COLQ: variants seen among roughly 807,000 people sequenced by gnomAD.
COLQ encodes the protein collagen like tail subunit of asymmetric acetylcholinesterase, also known as acetylcholinesterase collagenic tail peptide.
A neutral mutation model predicts 69.0 loss-of-function variants in COLQ; 48 were observed. The ratio of observed to expected loss-of-function variants is 0.70; its 90% CI spans 0.55 to 0.88. The LOEUF is 0.88. Ranked by LOEUF, COLQ falls within the 40% of genes least tolerant of loss-of-function variation. The pLI is 0.00. For synonymous variants in COLQ, 217 were observed against 211.2 expected (o/e 1.03, Z -0.24); for missense variants, 618 against 594.6 (o/e 1.04, Z -0.41).
At chr3:15,517,661 T>C (rs1194819138) in intron 1 of COLQ, among the ~76,000 whole-genome samples, 2 of 152,138 alleles carry the variant, frequency 1.3e-5, no homozygotes, top group Non-Finnish European at 2.9e-5. Context: ...GGTTGTTGTT[T>C]TGATCTACCA....
intron 2 of COLQ, 125 bp downstream of exon 2, chr3:15,489,400 G>T: frequency 1.2e-6 from 1 of 854,692 alleles, no homozygotes; most frequent in African/African-American, 1.7e-5. Context: ...TGACAGTGGA[G>T]GGTTGAGGCT....
chr3:15,496,429 A>C (rs2062746903), intron 1 of COLQ: 1 of 155,782 alleles, frequency 6.4e-6, no homozygotes, highest in Non-Finnish European at 1.5e-5. Context: ...AGGACTTCAC[A>C]TGTCTATTTT....
chr3:15,514,384 T>A (rs2125185430), intron 1 of COLQ, among the ~76,000 whole-genome samples: 1 of 152,190 alleles, frequency 6.6e-6, no homozygotes, highest in East Asian at 1.9e-4. Flanking sequence ...GTCTCAGTGG[T>A]CTGCAGTTTA....
chr3:15,496,649 T>G (rs1003393284), intron 1 of COLQ, among the ~76,000 whole-genome samples: 1 of 152,224 alleles, frequency 6.6e-6, no homozygotes, highest in African/African-American at 2.4e-5. Context: ...ATCACGGAAC[T>G]TCAGGACCGC....
At chr3:15,510,449 C>T (rs2062969734) in intron 1 of COLQ, among the ~76,000 whole-genome samples, 1 of 151,198 alleles carries the variant, frequency 6.6e-6, no homozygotes, top group Non-Finnish European at 1.5e-5. Flanking sequence ...TGGCTCATGC[C>T]TATAATCCCA....
chr3:15,519,428 A>G (rs1209029352), intron 1 of COLQ, among the ~76,000 whole-genome samples: 1 of 152,196 alleles, frequency 6.6e-6, no homozygotes, highest in Non-Finnish European at 1.5e-5. Context: ...TCCCTGCTTT[A>G]GGGCCTTCCA....
intron 1 of COLQ, among the ~76,000 whole-genome samples, chr3:15,495,562 T>A (rs1279962580): frequency 6.6e-6 from 1 of 152,184 alleles, no homozygotes. Context: ...TCAGTTGTGA[T>A]TATCAAGTGA....
At chr3:15,458,125 T>A in intron 13 of COLQ, 61 bp downstream of exon 13, 4 of 1,580,952 alleles carry the variant, frequency 2.5e-6, no homozygotes, top group Non-Finnish European at 2.6e-6. Flanking sequence ...CAAAGCCCCA[T>A]AAGGATCAGG....
Position 15,462,076 on chromosome 3 carries a change from G to A in COLQ, c.815-3751C>T, listed in dbSNP as rs148230324. Among the ~76,000 whole-genome samples the A allele has an allele frequency of 6.6e-3, 1,009 of 151,790 alleles. 12 individuals carry two copies. The highest frequency in any genetic ancestry group is 0.022 in the African/African-American group (893 of 41,406). On this transcript the variant is annotated intron_variant, in intron 12 of 16. Transcript: ENST00000383788. ...TGGAGTCTTACTCTGTCGCCCAGGC[G>A]GGAGTGCAGTAGCGAGATCTCGGCT... is the stretch of plus-strand genomic sequence containing the variant.
At chr3:15,462,111 C>T (rs58838160) in intron 12 of COLQ, among the ~76,000 whole-genome samples, 1 of 152,044 alleles carries the variant, frequency 6.6e-6, no homozygotes, top group African/African-American at 2.4e-5. Context: ...TCACTGTAAC[C>T]TCCGCCTCCC....
chr3:15,478,880 A>G (rs528159687), intron 5 of COLQ, 97 bp downstream of exon 5: 1 of 1,432,240 alleles, frequency 7.0e-7, no homozygotes, highest in African/African-American at 1.4e-5. Context: ...ATCAGTGACC[A>G]CTGAAGTGCA....
intron 1 of COLQ, among the ~76,000 whole-genome samples, chr3:15,513,164 T>C (rs1242014555): frequency 6.6e-6 from 1 of 152,206 alleles, no homozygotes; most frequent in Non-Finnish European, 1.5e-5. Context: ...TTAGTGTTTT[T>C]AGTGGTGGTT....
intron 11 of COLQ, among the ~76,000 whole-genome samples, chr3:15,468,266 A>G (rs1279486915): frequency 7.7e-6 from 1 of 129,530 alleles, no homozygotes; most frequent in Non-Finnish European, 1.6e-5. Context: ...TTTATTCCTT[A>G]TTTGCCACAA....
In COLQ at chr3:15,498,484, C is replaced by CACACAT. The variant is rs749425527; in HGVS notation, c.107-8848_107-8847insATGTGT. 292 of 1,545,464 alleles carry CACACAT rather than the reference C, an allele frequency of 1.9e-4. 2 individuals are homozygous for CACACAT. The South Asian group carries it at 2.1e-3, about 11-fold the overall frequency. On this transcript the variant is annotated intron_variant, in intron 1 of 16. Transcript: ENST00000383788. Reference sequence around the variant, plus strand: ...GCATGTGCATCCACACACACACACACACGTGCACACACGCACACACAACTC... The same window carrying CACACAT: ...GCATGTGCATCCACACACACACACACACACATACGTGCACACACGCACACACAACTC...
At chr3:15,459,267 T>C (rs774384293) in intron 12 of COLQ, among the ~76,000 whole-genome samples, 1 of 152,148 alleles carries the variant, frequency 6.6e-6, no homozygotes, top group African/African-American at 2.4e-5. Context: ...AGTGAGGACA[T>C]GTCTTGAAAA....
In COLQ at chr3:15,471,144, T is replaced by A. The variant is rs1352273352; in HGVS notation, c.637-528A>T. Reference sequence around the variant, plus strand: ...ATTTAATGACTCTTGCTTAGGATTATGTGCTTGCCCACTCTTAGTAAGCAT... The same window carrying A: ...ATTTAATGACTCTTGCTTAGGATTAAGTGCTTGCCCACTCTTAGTAAGCAT... On this transcript the variant is annotated intron_variant, in intron 10 of 16. Transcript: ENST00000383788. Among the ~76,000 whole-genome samples, 3 of 152,360 alleles carry A rather than the reference T, an allele frequency of 2.0e-5. No individual in the cohort carries two copies. The East Asian group carries it at 5.8e-4, about 29-fold the overall frequency.
rs753997328 is a variant in COLQ, at chr3:15,488,251, C to T, written c.276G>A (p.Pro92=). The change falls in exon 3 of 17, where the codon CCG becomes CCA. Residue 92 remains proline (P), a synonymous_variant. Transcript: ENST00000383788. ...LMLELETSQS[P]CMQGSLGSPG... ...GGGAGCCTAGCGAGCCTTGCATGCA[C>T]GGGGACTGCGAGGTCTCCAGTTCCA... 1.8e-5 allele frequency: 29 copies of T among 1,613,384 alleles called. No homozygotes were observed. Among genetic ancestry groups the T allele is most frequent in the African/African-American group, 4.0e-5 (3 of 74,892 alleles).
Position 15,506,100 on chromosome 3 carries a change from G to T in COLQ, c.106+15420C>A, listed in dbSNP as rs527309173. Among the ~76,000 whole-genome samples the T allele has an allele frequency of 5.4e-4, 82 of 152,278 alleles. 1 individual carries two copies. The highest frequency in any genetic ancestry group is 1.8e-3 in the Admixed American group (28 of 15,304). The stretch of plus-strand genomic sequence containing the variant: ...TAAAACCCTTGGATTCCAGAAATTG[G>T]GGAGCCTAGGGTTGATCCCTTTGGA... On this transcript the variant is annotated intron_variant, in intron 1 of 16. Coordinates refer to ENST00000383788, the MANE Select transcript of COLQ (RefSeq NM_005677.4).
intron 1 of COLQ, among the ~76,000 whole-genome samples, chr3:15,493,343 T>C (rs1054318496): frequency 6.6e-6 from 1 of 152,178 alleles, no homozygotes; most frequent in Non-Finnish European, 1.5e-5. Flanking sequence ...AAAAAGGAGA[T>C]TTATTGTAAA....
Sources: allele counts gnomAD v4.1 joint callset (sites outside exome capture counted in the v4.1 genomes callset), GRCh38; gene constraint gnomAD v4.1.1; transcripts MANE v1.5; gene names NCBI Gene and HGNC (gene_info 2026-07-23, HGNC 2026-07-21).